Variants in SORBS2 observed in about 807,000 individuals in gnomAD.
The protein encoded by SORBS2 is sorbin and SH3 domain-containing protein 2.
SORBS2 carries 46 observed loss-of-function variants against 97.7 expected under a neutral mutation model. That is an observed-to-expected ratio of 0.47 (90% CI 0.37 to 0.60). SORBS2 has a LOEUF of 0.60. Among genes scored for constraint, SORBS2 ranks in the 20% least tolerant of loss-of-function variants. The pLI is 0.00. For synonymous variants in SORBS2, 476 were observed against 473.4 expected, an observed-to-expected ratio of 1.01 and a Z score of -0.07; for missense variants, 1,316 against 1,282.3, an observed-to-expected ratio of 1.03 and a Z score of -0.40.
chr4:185,685,339 T>C (rs913198820), intron 2 of SORBS2, among the ~76,000 whole-genome samples: 1 of 152,322 alleles, frequency 6.6e-6, no homozygotes, highest in East Asian at 1.9e-4. Flanking sequence ...ATTCTTGCAG[T>C]AAAAATTATT....
At chr4:185,804,634 G>A (rs988829287) in intron 1 of SORBS2, among the ~76,000 whole-genome samples, 2 of 152,146 alleles carry the variant, frequency 1.3e-5, no homozygotes, top group African/African-American at 4.8e-5. Flanking sequence ...TGATTTTCCA[G>A]ATTTTTCATT....
intron 1 of SORBS2, among the ~76,000 whole-genome samples, chr4:185,825,831 T>G (rs188864900): frequency 1.1e-4 from 17 of 152,280 alleles, no homozygotes; most frequent in Non-Finnish European, 2.1e-4. Context: ...TTCTTTACAT[T>G]GGGCCTAAGT....
In SORBS2 at chr4:185,627,676, G is replaced by A. The variant is rs537751888; in HGVS notation, c.447-657C>T. On this transcript the variant is annotated intron_variant, in intron 5 of 14. Transcript: ENST00000418609. ...ACAATTGATGAATCTTTCCTGATGC[G>A]TCGTCACCCCAAGTCCATAGTTTAC... 1.8e-3 allele frequency among the ~76,000 whole-genome samples: 267 copies of A among 152,040 alleles called. 3 individuals are homozygous for A. Among genetic ancestry groups the A allele is most frequent in the African/African-American group, 6.2e-3 (258 of 41,456 alleles).
upstream of SORBS2, chr4:185,657,330 A>T: frequency 2.5e-6 from 3 of 1,197,618 alleles, no homozygotes; most frequent in Non-Finnish European, 3.4e-6. Flanking sequence ...TCCTCCTTAT[A>T]TAAGACCCTA....
At chr4:185,670,101 C>T (rs1474448282) in intron 4 of SORBS2, among the ~76,000 whole-genome samples, 1 of 152,018 alleles carries the variant, frequency 6.6e-6, no homozygotes, top group Non-Finnish European at 1.5e-5. Context: ...TGCCTGTAAT[C>T]CCAGCTACTC....
chr4:185,608,138 G>A lies in SORBS2; in HGVS notation c.2796+3642C>T, dbSNP rs188501240. On this transcript the variant is annotated intron_variant, in intron 12 of 14. Transcript: ENST00000418609. The stretch of plus-strand genomic sequence containing the variant: ...AGTGAAGTCATTTTATTTCCTGAAT[G>A]TGTGTAGTGTTCTCTTGTCCTGCAG... Among the ~76,000 whole-genome samples the A allele has an allele frequency of 4.6e-5, 7 of 152,328 alleles. No homozygotes were observed. In the East Asian group the frequency reaches 1.3e-3, roughly 29 times the overall value.
intron 1 of SORBS2, among the ~76,000 whole-genome samples, chr4:185,912,320 C>T (rs181161214): frequency 2.6e-5 from 4 of 152,186 alleles, no homozygotes; most frequent in Admixed American, 2.0e-4. Flanking sequence ...CATGGTGGCT[C>T]ATGCCTGTAA....
chr4:185,901,956 T>C (rs2099248020), intron 1 of SORBS2, among the ~76,000 whole-genome samples: 1 of 152,230 alleles, frequency 6.6e-6, no homozygotes, highest in African/African-American at 2.4e-5. Context: ...TTGAGTCTTC[T>C]GTTTTATAAA....
intron 11 of SORBS2, 93 bp from the exon 24 acceptor site, chr4:185,612,073 A>C (rs1464259319): frequency 8.0e-6 from 8 of 1,003,952 alleles, no homozygotes; most frequent in Non-Finnish European, 1.0e-5. Flanking sequence ...ATAGGTTTCC[A>C]TTTGGGCAGG....
chr4:185,683,923 C>T (rs1285866993), intron 2 of SORBS2, among the ~76,000 whole-genome samples: 1 of 152,058 alleles, frequency 6.6e-6, no homozygotes, highest in Non-Finnish European at 1.5e-5. Flanking sequence ...TTTAAAGATG[C>T]CCCATCCCTT....
chr4:185,661,072 C>T (rs1455816094), upstream of SORBS2, among the ~76,000 whole-genome samples: 14 of 151,852 alleles, frequency 9.2e-5, no homozygotes, highest in East Asian at 1.4e-3. Context: ...GTCAGGAGTT[C>T]GAGACCAACC....
intron 4 of SORBS2, among the ~76,000 whole-genome samples, chr4:185,667,459 A>G (rs548437172): frequency 6.6e-6 from 1 of 152,218 alleles, no homozygotes; most frequent in South Asian, 2.1e-4. Flanking sequence ...TGAATCATAG[A>G]TCCCTTAGAA....
At chr4:185,899,586 G>C (rs116528199) in intron 1 of SORBS2, among the ~76,000 whole-genome samples, 1,599 of 152,188 alleles carry the variant, frequency 0.011, 17 homozygotes, top group Non-Finnish European at 0.019. Flanking sequence ...ACTCAGCACT[G>C]AGTTTAAACC....
chr4:185,928,690 C>A (rs555449060), intron 1 of SORBS2, among the ~76,000 whole-genome samples: 130 of 152,150 alleles, frequency 8.5e-4, no homozygotes, highest in African/African-American at 3.1e-3. Flanking sequence ...GGACTACAGG[C>A]GCCTGCCACC....
chr4:185,681,004 G>A (rs549032960), intron 2 of SORBS2, among the ~76,000 whole-genome samples: 1 of 152,228 alleles, frequency 6.6e-6, no homozygotes, highest in South Asian at 2.1e-4. Flanking sequence ...ACAGTAAGAG[G>A]GGTGGGCTGT....
chr4:185,940,307 C>A (rs972723972), intron 1 of SORBS2, among the ~76,000 whole-genome samples: 7 of 152,306 alleles, frequency 4.6e-5, no homozygotes, highest in African/African-American at 1.7e-4. Flanking sequence ...AAATGGCACA[C>A]GGCCTAGACA....
At chr4:185,642,887 T>C (rs2097149386) in intron 4 of SORBS2, among the ~76,000 whole-genome samples, 1 of 152,220 alleles carries the variant, frequency 6.6e-6, no homozygotes, top group Non-Finnish European at 1.5e-5. Flanking sequence ...ACTGGGCCTT[T>C]TGCACTAGAA....
chr4:185,850,365 C>T lies in SORBS2; in HGVS notation c.-337-74999G>A, dbSNP rs148846073. 3.0e-3 allele frequency among the ~76,000 whole-genome samples: 456 copies of T among 152,160 alleles called. 4 individuals are homozygous for T. Among genetic ancestry groups the T allele is most frequent in the African/African-American group, 0.01 (419 of 41,506 alleles). On this transcript the variant is annotated intron_variant, in intron 1 of 20. Transcript: ENST00000284776. Reference sequence around the variant, plus strand: ...CATTCTGCTGACTTGTCCCATATGTCGAGAGTCTAACAATTTTACAAACAA... The same window carrying T: ...CATTCTGCTGACTTGTCCCATATGTTGAGAGTCTAACAATTTTACAAACAA...
intron 2 of SORBS2, among the ~76,000 whole-genome samples, chr4:185,713,766 A>G (rs926353025): frequency 2.0e-5 from 3 of 152,250 alleles, no homozygotes; most frequent in African/African-American, 7.2e-5. Flanking sequence ...CATTACTATA[A>G]TTTAATCATT....
Sources: gnomAD v4.1 joint callset for allele counts (sites outside exome capture counted in the v4.1 genomes callset) on GRCh38, gnomAD v4.1.1 for gene constraint, MANE v1.5 for transcripts, NCBI Gene and HGNC (gene_info 2026-07-23, HGNC 2026-07-21) for gene names.